The following SIPA1L3 variants were observed in gnomAD, a reference collection of about 807,000 sequenced individuals.
SIPA1L3 encodes signal induced proliferation associated 1 like 3.
A neutral mutation model predicts 150.1 loss-of-function variants in SIPA1L3; 59 were observed. The observed-to-expected ratio is 0.39, with a 90% CI of 0.32 to 0.49. The LOEUF (loss-of-function observed/expected upper bound fraction) is 0.49, where lower values mean the gene tolerates loss of function less well. Ranked by LOEUF, SIPA1L3 falls within the 20% of genes least tolerant of loss-of-function variation. The pLI is 0.86. For missense variants in SIPA1L3, 2,211 were observed against 2,489.5 expected (o/e 0.89, Z 2.38); for synonymous variants, 1,070 against 1,077.6 (o/e 0.99, Z 0.14).
intron 1 of SIPA1L3, among the ~76,000 whole-genome samples, chr19:37,992,417 G>A (rs775935315): frequency 1.3e-4 from 20 of 152,152 alleles, no homozygotes; most frequent in Non-Finnish European, 2.4e-4. Context: ...TTGGGAGGCC[G>A]ATGCAGGTGG....
intron 5 of SIPA1L3, among the ~76,000 whole-genome samples, chr19:38,100,809 G>T (rs1036187496): frequency 6.6e-6 from 1 of 152,194 alleles, no homozygotes; most frequent in African/African-American, 2.4e-5. Context: ...TCCTCCACCC[G>T]CCATAGCGAG....
intron 8 of SIPA1L3, among the ~76,000 whole-genome samples, chr19:38,118,687 C>T (rs1401432115): frequency 6.6e-6 from 1 of 151,868 alleles, no homozygotes; most frequent in Non-Finnish European, 1.5e-5. Flanking sequence ...GCACCCACCA[C>T]CACGCCCAGC....
chr19:37,944,324 GT>G (rs2046690164), intron 1 of SIPA1L3, among the ~76,000 whole-genome samples: 1 of 151,690 alleles, frequency 6.6e-6, no homozygotes. Context: ...TCTTGACCTA[GT>G]GGCCTGGCTT....
At chr19:38,077,705 C>T (rs1432866035) in intron 2 of SIPA1L3, among the ~76,000 whole-genome samples, 2 of 100,782 alleles carry the variant, frequency 2.0e-5, no homozygotes, top group African/African-American at 7.8e-5. Context: ...GAGTCTCACT[C>T]TGTTGCCTAG....
chr19:38,056,126 T>G (rs1969308820), intron 2 of SIPA1L3, among the ~76,000 whole-genome samples: 1 of 152,228 alleles, frequency 6.6e-6, no homozygotes, highest in Non-Finnish European at 1.5e-5. Context: ...GGCTGAGGAT[T>G]GACTGCCTTG....
chr19:38,126,536 C>A (rs1359614168), intron 9 of SIPA1L3, among the ~76,000 whole-genome samples: 1 of 150,714 alleles, frequency 6.6e-6, no homozygotes, highest in Non-Finnish European at 1.5e-5. Flanking sequence ...AGGCCCAAGA[C>A]AATTCTTTTT....
rs552018408 is a variant in SIPA1L3 at position 38,164,707 on chromosome 19, C to A, written c.4009C>A (p.Pro1337Thr). Reference sequence around the variant, plus strand: ...TCCACGGCCCGCCAAGCCACACAAGCCCCCTGGAAGTATGGGCCTTTGTGG... The same window carrying A: ...TCCACGGCCCGCCAAGCCACACAAGACCCCTGGAAGTATGGGCCTTTGTGG... ...KAPRPAKPHK[P>T]PGSMGLCGGG... The change falls in exon 15 of 22, where the codon CCC becomes ACC. Residue 1337 changes from proline to threonine, a missense_variant. By Grantham distance (38) the Pro-to-Thr change is conservative (BLOSUM62 -1). This residue lies in a region of SIPA1L3 where 806 missense variants were observed against 870.1 expected (regional missense o/e 0.93). Coordinates refer to ENST00000222345, the MANE Select transcript of SIPA1L3 (RefSeq NM_015073.3). The surrounding 1 kb of genome is among the most constrained non-coding windows in gnomAD (Gnocchi z 4.1). The A allele has an allele frequency of 5.0e-6, 8 of 1,614,062 alleles. No individual in the cohort carries two copies. In the South Asian group the frequency reaches 7.7e-5, roughly 16 times the overall value.
intron 1 of SIPA1L3, among the ~76,000 whole-genome samples, chr19:37,999,386 A>G (rs974961821): frequency 7.9e-5 from 12 of 152,318 alleles, no homozygotes; most frequent in African/African-American, 2.9e-4. Flanking sequence ...ATCTTCCACA[A>G]TGACTAAATA....
chr19:38,037,671 G>A (rs74417971), intron 2 of SIPA1L3, among the ~76,000 whole-genome samples: 2,220 of 152,240 alleles, frequency 0.015, 25 homozygotes, highest in Non-Finnish European at 0.023. Context: ...GCTGGCATTC[G>A]AGGAGCGGGA....
intron 1 of SIPA1L3, among the ~76,000 whole-genome samples, chr19:37,947,889 G>T (rs1169915603): frequency 2.0e-5 from 3 of 152,158 alleles, no homozygotes; most frequent in Non-Finnish European, 4.4e-5. Flanking sequence ...TCCCTATGCT[G>T]GAGTTCTATG....
At chr19:38,175,564 G>A (rs1972418451) in intron 15 of SIPA1L3, among the ~76,000 whole-genome samples, 1 of 152,130 alleles carries the variant, frequency 6.6e-6, no homozygotes, top group African/African-American at 2.4e-5. Context: ...GAAGCACAGA[G>A]CACGTTGCCT....
At chr19:37,945,161 A>G (rs901377071) in intron 1 of SIPA1L3, among the ~76,000 whole-genome samples, 3 of 152,150 alleles carry the variant, frequency 2.0e-5, no homozygotes, top group Admixed American at 1.3e-4. Context: ...TGCAAAGTAC[A>G]TTGAAATTGC....
At chr19:37,919,771 C>T (rs2046442750) in intron 1 of SIPA1L3, among the ~76,000 whole-genome samples, 1 of 126,510 alleles carries the variant, frequency 7.9e-6, no homozygotes, top group Non-Finnish European at 1.6e-5. Flanking sequence ...AGTGCAGTGG[C>T]GCGATCTCAG....
At chr19:38,121,839 A>G (rs1971028244) in intron 9 of SIPA1L3, among the ~76,000 whole-genome samples, 1 of 152,124 alleles carries the variant, frequency 6.6e-6, no homozygotes, top group African/African-American at 2.4e-5. Context: ...TGATCACTTG[A>G]GCCCAGGAGT....
At chr19:38,140,380 G>C (rs1971547866) in intron 10 of SIPA1L3, among the ~76,000 whole-genome samples, 2 of 148,014 alleles carry the variant, frequency 1.4e-5, no homozygotes, top group African/African-American at 5.0e-5. Flanking sequence ...TCTATTTCAA[G>C]GTTGTAGATT....
rs559052382 is a variant in SIPA1L3 at position 37,924,189 on chromosome 19, C to A, written c.-379+16831C>A. Among the ~76,000 whole-genome samples the A allele has an allele frequency of 6.6e-5, 10 of 152,134 alleles. No homozygotes were observed. The South Asian group carries it at 1.2e-3, about 19-fold the overall frequency. ...TTTCTATTTTTAAATTTAAAATGTTCCGTTTTTATTTTTTTGCTTTCTGAG... is the reference window on the plus strand; with the variant it reads ...TTTCTATTTTTAAATTTAAAATGTTACGTTTTTATTTTTTTGCTTTCTGAG... On this transcript the variant is annotated intron_variant, in intron 1 of 21. Transcript: ENST00000222345.
rs187686804 is a variant in SIPA1L3 at position 38,079,294 on chromosome 19, C to T, written c.-310-1962C>T. On this transcript the variant is annotated intron_variant, in intron 2 of 21. Coordinates refer to ENST00000222345, the MANE Select transcript of SIPA1L3 (RefSeq NM_015073.3). ...CTTGCAGTGAGCCGAGATCGCGCCA[C>T]TGTACTCCAGCCTGGGCAACAGAGC... Among the ~76,000 whole-genome samples, 875 of 152,328 alleles carry T rather than the reference C, an allele frequency of 5.7e-3. 9 individuals carry two copies. The highest frequency in any genetic ancestry group is 0.02 in the African/African-American group (838 of 41,576).
chr19:38,073,061 G>A (rs1305545761), intron 2 of SIPA1L3, among the ~76,000 whole-genome samples: 3 of 152,182 alleles, frequency 2.0e-5, no homozygotes, highest in Admixed American at 1.3e-4. Flanking sequence ...CCTTGCAACC[G>A]GAGTGGCCGT....
intron 2 of SIPA1L3, among the ~76,000 whole-genome samples, chr19:38,054,018 C>T (rs892297058): frequency 5.9e-5 from 9 of 152,110 alleles, no homozygotes; most frequent in South Asian, 2.1e-4. Flanking sequence ...CAAGGTCACA[C>T]GGCAGAGCTG....
Sources: gnomAD v4.1 joint callset for allele counts (sites outside exome capture counted in the v4.1 genomes callset) on GRCh38, gnomAD v4.1.1 for gene constraint, gnomAD v4.1.1 regional missense constraint, Gnocchi (gnomAD v3.1) non-coding constraint, MANE v1.5 for transcripts, NCBI Gene and HGNC (gene_info 2026-07-23, HGNC 2026-07-21) for gene names.